The following ALPP variants were observed in gnomAD, a reference collection of about 807,000 sequenced individuals.
ALPP encodes alkaline phosphatase, placental, also known as alkaline phosphatase, placental type.
In ALPP, 39 loss-of-function variants were observed where a neutral mutation model predicts 50.7. That is an observed-to-expected ratio of 0.77 (90% CI 0.60 to 1.00). The LOEUF is 1.00. ALPP is among the 50% of genes least tolerant of loss of function. The pLI, the probability that ALPP is intolerant of heterozygous loss-of-function variation, is 0.00. For missense variants in ALPP, 550 were observed against 746.8 expected (o/e 0.74, Z 3.07); for synonymous variants, 226 against 320.3 (o/e 0.71, Z 3.14).
In ALPP at chr2:232,382,100, ACCAGGCAGG is replaced by A; in HGVS notation, c.*307_*315del. 1 of 521,978 alleles carries A rather than the reference ACCAGGCAGG, an allele frequency of 1.9e-6. No homozygotes were observed. The highest frequency in any genetic ancestry group is 2.7e-5 in the South Asian group (1 of 36,704). The allele number at this position is 521,978 out of a possible 1,614,324, so 32.3% of individuals were successfully genotyped here. ...AGCCACCACCTACAGCCCAGTGGGT[ACCAGGCAGG>A]CTCCCTTCCTGGGGAAAAGAAGCAC... On this transcript the variant is annotated 3_prime_UTR_variant, in exon 11 of 11. Coordinates refer to ENST00000392027, the MANE Select transcript of ALPP (RefSeq NM_001632.5).
chr2:232,379,516 T>C lies in ALPP; in HGVS notation c.313T>C (p.Tyr105His), dbSNP rs948059889. ...CTCAGAGTGTCTCTGTCCCCAGACATACAATGTAGACAAACATGTGCCAGA... is the reference window on the plus strand; with the variant it reads ...CTCAGAGTGTCTCTGTCCCCAGACACACAATGTAGACAAACATGTGCCAGA... Reference protein sequence around the residue: ...RFPYVALSKTYNVDKHVPDSG... With the variant: ...RFPYVALSKTHNVDKHVPDSG... Residue 105 changes from tyrosine to histidine, a missense_variant, in exon 4 of 11, where the codon TAC (tyrosine) becomes CAC (histidine). Coordinates refer to ENST00000392027, the MANE Select transcript of ALPP (RefSeq NM_001632.5). 7.4e-6 allele frequency: 12 copies of C among 1,613,980 alleles called. No homozygotes were observed. Among genetic ancestry groups the C allele is most frequent in the Non-Finnish European group, 1.0e-5 (12 of 1,180,016 alleles).
At position 232,381,537 on chromosome 2, in the gene ALPP, C is replaced by G. The variant is rs140739243; in HGVS notation, c.1350C>G (p.Asp450Glu). 502 of 1,613,076 alleles carry G rather than the reference C, an allele frequency of 3.1e-4. No individual in the cohort carries two copies. Among genetic ancestry groups the G allele is most frequent in the Non-Finnish European group, 7.2e-5 (85 of 1,179,850 alleles). ...GGCAGCAGTCAGCAGTGCCCCTGGACGAAGAGACCCACGCAGGCGAGGACG... is the reference window on the plus strand; with the variant it reads ...GGCAGCAGTCAGCAGTGCCCCTGGAGGAAGAGACCCACGCAGGCGAGGACG... ...EYRQQSAVPL[D>E]EETHAGEDVA... The change falls in exon 11 of 11, where the codon GAC becomes GAG. Residue 450 changes from aspartate (D) to glutamate (E), a missense_variant. By Grantham distance (45) the Asp-to-Glu change is conservative. Transcript: ENST00000392027.
Position 232,381,856 on chromosome 2 carries a change from G to A in ALPP, c.*61G>A. 1 of 1,506,812 alleles carries A rather than the reference G, an allele frequency of 6.6e-7. No individual in the cohort carries two copies. Among genetic ancestry groups the A allele is most frequent in the East Asian group, 2.4e-5 (1 of 40,976 alleles). The allele number at this position is 1,506,812 out of a possible 1,614,324, so 93.3% of individuals were successfully genotyped here. ...GGAGTTCTCCTGCTCCCCACCTCCT[G>A]TCGTCCTGCCTGGCCTCCAGCCCGA... On this transcript the variant is annotated 3_prime_UTR_variant, in exon 11 of 11. Coordinates refer to ENST00000392027, the MANE Select transcript of ALPP (RefSeq NM_001632.5).
chr2:232,379,315 G>C lies in ALPP; in HGVS notation c.309G>C (p.Lys103Asn), dbSNP rs1354256912. The C allele has an allele frequency of 1.2e-6, 2 of 1,614,002 alleles. No individual in the cohort carries two copies. Among genetic ancestry groups the C allele is most frequent in the Non-Finnish European group, 1.7e-6 (2 of 1,179,966 alleles). ...MDRFPYVALS[K>N]TYNVDKHVPD... is the part of the protein sequence containing the mutation. The stretch of plus-strand genomic sequence containing the variant: ...GCTTCCCATATGTGGCTCTGTCCAA[G>C]GTAAGTGCTGGGCTACCTTAGAGTC... Residue 103 changes from lysine to asparagine, a missense_variant and splice_region_variant, in exon 3 of 11, where the codon AAG becomes AAC. Around this residue, in one of 5 missense-constraint regions of ALPP, gnomAD observed 376 missense variants for 388.5 expected, o/e 0.97. Transcript: ENST00000392027.
chr2:232,381,765 G>C lies in ALPP; in HGVS notation c.1578G>C (p.Leu526=). The change falls in exon 11 of 11, where the codon CTG becomes CTC. Residue 526 remains leucine, a synonymous_variant. Transcript: ENST00000392027. ...TGCTTCCTCTGCTGGCCGGGACCCT[G>C]CTGCTGCTGGAGACGGCCACTGCTC... ...PALLPLLAGT[L]LLLETATAP 6.3e-7 allele frequency: 1 copy of C among 1,587,810 alleles called. No homozygotes were observed. The highest frequency in any genetic ancestry group is 1.1e-5 in the South Asian group (1 of 88,558).
rs1439736627 is a variant in ALPP, at chr2:232,381,461, A to ATGAACCCTCCTACCGGAAC, written c.1310-25_1310-7dup. 4.3e-6 allele frequency: 7 copies of ATGAACCCTCCTACCGGAAC among 1,612,556 alleles called. 1 individual carries two copies. The South Asian group carries it at 7.7e-5, about 18-fold the overall frequency. On this transcript the variant is annotated intron_variant, in intron 10 of 10. Coordinates refer to ENST00000392027, the MANE Select transcript of ALPP (RefSeq NM_001632.5). Reference sequence around the variant, plus strand: ...TCACCTCCTGTCTGCCTGGAACTGAATGAACCCTCCTACCGGAACTGAACC... The same window carrying ATGAACCCTCCTACCGGAAC: ...TCACCTCCTGTCTGCCTGGAACTGAATGAACCCTCCTACCGGAACTGAACCCTCCTACCGGAACTGAACC...
Position 232,379,012 on chromosome 2 carries a change from G to A in ALPP, c.118G>A (p.Glu40Lys), listed in dbSNP as rs1423671557. 5.6e-6 allele frequency: 9 copies of A among 1,613,984 alleles called. No individual in the cohort carries two copies. The highest frequency in any genetic ancestry group is 1.7e-5 in the Admixed American group (1 of 59,994). Residue 40 changes from glutamate (E) to lysine (K), a missense_variant, in exon 2 of 11, where the codon GAG becomes AAG. Glu to Lys is a moderately conservative substitution (Grantham distance 56). Around this residue, in one of 5 missense-constraint regions of ALPP, gnomAD observed 376 missense variants for 388.5 expected, o/e 0.97. Transcript: ENST00000392027. ...GGACTTCTGGAACCGCGAGGCAGCC[G>A]AGGCCCTGGGTGCCGCCAAGAAGCT... Reference protein sequence around the residue: ...NPDFWNREAAEALGAAKKLQP... With the variant: ...NPDFWNREAAKALGAAKKLQP...
At position 232,379,407 on chromosome 2, in the gene ALPP, G is replaced by A. The variant is rs1696661048; in HGVS notation, c.309+92G>A. ...GGAGGGAGGGACCCTAAACAGCTGG[G>A]GCTCCAGTAAGGAGTTAGAGGCAGT... is the stretch of plus-strand genomic sequence containing the variant. On this transcript the variant is annotated intron_variant, in intron 3 of 10. Transcript: ENST00000392027. 3.1e-6 allele frequency: 5 copies of A among 1,589,118 alleles called. No homozygotes were observed. The Admixed American group carries it at 8.9e-5, about 28-fold the overall frequency.
Position 232,379,854 on chromosome 2 carries a change from C to A in ALPP, c.575C>A (p.Ser192Ter). ...YAHTVNRNWY[S>*]DADVPASARQ... The stretch of plus-strand genomic sequence containing the variant: ...CACACGGTGAACCGCAACTGGTACT[C>A]GGACGCCGACGTGCCTGCCTCCGCC... Residue 192 changes from serine (S) to a stop codon, truncating the protein, a stop_gained, in exon 5 of 11, where the codon TCG (serine) becomes TAG (stop). Transcript: ENST00000392027. LOFTEE classifies it high-confidence loss of function. 6 of 1,613,550 alleles carry A rather than the reference C, an allele frequency of 3.7e-6. No individual in the cohort carries two copies. Among genetic ancestry groups the A allele is most frequent in the Non-Finnish European group, 5.1e-6 (6 of 1,179,936 alleles).
rs1485203374 is a variant in ALPP, at chr2:232,381,611, A to G, written c.1424A>G (p.Gln475Arg). The G allele has an allele frequency of 1.9e-6, 3 of 1,612,550 alleles. No homozygotes were observed. The Admixed American group carries it at 5.0e-5, about 27-fold the overall frequency. ...CAGGCGCACCTGGTTCACGGCGTGC[A>G]GGAGCAGACCTTCATAGCGCACGTC... ...GPQAHLVHGVQEQTFIAHVMA... is the reference protein window; with the variant it reads ...GPQAHLVHGVREQTFIAHVMA... Residue 475 changes from glutamine to arginine, a missense_variant, in exon 11 of 11, where the codon CAG becomes CGG. Gln to Arg is a conservative substitution (Grantham distance 43). Around this residue, in one of 5 missense-constraint regions of ALPP, gnomAD observed 155 missense variants for 167.6 expected, o/e 0.92. Transcript: ENST00000392027.
chr2:232,380,375 G>A (rs1400787693), intron 6 of ALPP, 45 bp from the exon 7 acceptor site: 3 of 1,613,012 alleles, frequency 1.9e-6, no homozygotes, highest in African/African-American at 1.3e-5. Flanking sequence ...AGAGGTGTGG[G>A]GCTCAGGGCT....
At position 232,378,795 on chromosome 2, in the gene ALPP, C is replaced by T. The variant is rs1362869216; in HGVS notation, c.-8C>T. 1.2e-6 allele frequency: 2 copies of T among 1,613,618 alleles called. No homozygotes were observed. Among genetic ancestry groups the T allele is most frequent in the African/African-American group, 1.3e-5 (1 of 74,938 alleles). On this transcript the variant is annotated 5_prime_UTR_variant, in exon 1 of 11. Transcript: ENST00000392027. Reference sequence around the variant, plus strand: ...CCTGCCTCGCCACTGTCCTGCTGCCCTCCAGACATGCTGGGGCCCTGCATG... The same window carrying T: ...CCTGCCTCGCCACTGTCCTGCTGCCTTCCAGACATGCTGGGGCCCTGCATG...
At chr2:232,379,971 G>T in intron 5 of ALPP, 35 bp downstream of exon 5, 1 of 1,581,580 alleles carries the variant, frequency 6.3e-7, no homozygotes, top group Non-Finnish European at 8.6e-7. Context: ...GGGCTGGGCA[G>T]AGAGTAGCAG....
chr2:232,379,827 C>A lies in ALPP; in HGVS notation c.548C>A (p.Ala183Asp), dbSNP rs781093591. The A allele has an allele frequency of 2.5e-6, 4 of 1,613,880 alleles. No homozygotes were observed. Residue 183 changes from alanine to aspartate, a missense_variant, in exon 5 of 11, where the codon GCC becomes GAC. Physicochemically the swap from Ala to Asp is moderately radical, Grantham distance 126. Coordinates refer to ENST00000392027, the MANE Select transcript of ALPP (RefSeq NM_001632.5). The part of the protein sequence containing the change: ...VQHASPAGTY[A>D]HTVNRNWYSD... ...CACGCCTCGCCAGCCGGCACCTACGCCCACACGGTGAACCGCAACTGGTAC... is the reference window on the plus strand; with the variant it reads ...CACGCCTCGCCAGCCGGCACCTACGACCACACGGTGAACCGCAACTGGTAC...
rs771004800 is a variant in ALPP, at chr2:232,381,231, A to C, written c.1193-20A>C. The C allele has an allele frequency of 1.9e-6, 3 of 1,612,170 alleles. No individual in the cohort carries two copies. Among genetic ancestry groups the C allele is most frequent in the Non-Finnish European group, 1.7e-6 (2 of 1,179,588 alleles). On this transcript the variant is annotated intron_variant, in intron 9 of 10. Coordinates refer to ENST00000392027, the MANE Select transcript of ALPP (RefSeq NM_001632.5). ...CCACAGCTGTGTTCAGCTCAACCAC[A>C]GGGACCCCTCTCTCTGCAGGGCTGG...
intron 10 of ALPP, 22 bp downstream of exon 10, chr2:232,381,389 C>G (rs1277042681): frequency 6.2e-7 from 1 of 1,613,906 alleles, no homozygotes; most frequent in African/African-American, 1.3e-5. Context: ...GGGGTGGCCC[C>G]CTGAGGGGGA....
At position 232,381,291 on chromosome 2, in the gene ALPP, G is replaced by C. The variant is rs766435351; in HGVS notation, c.1233G>C (p.Thr411=). 17 of 1,613,840 alleles carry C rather than the reference G, an allele frequency of 1.1e-5. No homozygotes were observed. The highest frequency in any genetic ancestry group is 1.3e-5 in the Non-Finnish European group (15 of 1,180,024). The change falls in exon 10 of 11, where the codon ACG becomes ACC. Residue 411 remains threonine (T), a synonymous_variant. Coordinates refer to ENST00000392027, the MANE Select transcript of ALPP (RefSeq NM_001632.5). ...AGGCCCGGGACAGGAAGGCCTACAC[G>C]GTCCTCCTATACGGAAACGGTCCAG... The part of the protein sequence containing the change: ...PGKARDRKAY[T]VLLYGNGPGY...
intron 5 of ALPP, 44 bp downstream of exon 5, chr2:232,379,980 A>G (rs1351159830): frequency 1.9e-6 from 3 of 1,577,504 alleles, no homozygotes; most frequent in Non-Finnish European, 2.6e-6. Context: ...AGAGAGTAGC[A>G]GGGAGGGGGC....
rs773607493 is a variant in ALPP, at chr2:232,381,590, C to T, written c.1403C>T (p.Ala468Val). The T allele has an allele frequency of 3.7e-6, 6 of 1,612,688 alleles. No individual in the cohort carries two copies. Among genetic ancestry groups the T allele is most frequent in the East Asian group, 4.5e-5 (2 of 44,850 alleles). Residue 468 changes from alanine (A) to valine (V), a missense_variant, in exon 11 of 11, where the codon GCG (alanine) becomes GTG (valine). Physicochemically the swap from Ala to Val is moderately conservative, Grantham distance 64. Around this residue, in one of 5 missense-constraint regions of ALPP, gnomAD observed 155 missense variants for 167.6 expected, o/e 0.92. Coordinates refer to ENST00000392027, the MANE Select transcript of ALPP (RefSeq NM_001632.5). Reference protein sequence around the residue: ...DVAVFARGPQAHLVHGVQEQT... With the variant: ...DVAVFARGPQVHLVHGVQEQT... ...GCGGTGTTCGCGCGCGGCCCGCAGG[C>T]GCACCTGGTTCACGGCGTGCAGGAG...
Sources: gnomAD v4.1 joint callset for allele counts on GRCh38, gnomAD v4.1.1 for gene constraint, gnomAD v4.1.1 regional missense constraint, MANE v1.5 for transcripts, NCBI Gene and HGNC (gene_info 2026-07-23, HGNC 2026-07-21) for gene names.